Variants in ADAP1 observed in about 807,000 individuals in gnomAD.
ADAP1 encodes arf-GAP with dual PH domain-containing protein 1.
A neutral mutation model predicts 54.9 loss-of-function variants in ADAP1; 31 were observed. The ratio of observed to expected loss-of-function variants is 0.56; its 90% CI spans 0.42 to 0.76. ADAP1 has a LOEUF of 0.76. Ranked by LOEUF, ADAP1 falls within the 30% of genes least tolerant of loss-of-function variation. The pLI is 0.00. For missense variants in ADAP1, 535 were observed against 512.4 expected, an observed-to-expected ratio of 1.04 and a Z score of -0.42; for synonymous variants, 313 against 202.6, an observed-to-expected ratio of 1.55 and a Z score of -4.63.
intron 7 of ADAP1, 26 bp from the exon 8 acceptor site, chr7:900,190 G>A (rs1426770645): frequency 6.2e-7 from 1 of 1,612,466 alleles, no homozygotes; most frequent in African/African-American, 1.3e-5. Flanking sequence ...CCAGGCAGGG[G>A]ACCTCAGAAG....
At chr7:909,207 G>A (rs1231342981) in intron 4 of ADAP1, among the ~76,000 whole-genome samples, 162 of 57,274 alleles carry the variant, frequency 2.8e-3, no homozygotes, top group Middle Eastern at 0.011. Context: ...CCGACAGCAG[G>A]CGCCAGCGGG....
At chr7:943,605 G>C (rs1234423869) in intron 1 of ADAP1, among the ~76,000 whole-genome samples, 2 of 33,408 alleles carry the variant, frequency 6.0e-5, no homozygotes. Context: ...GAGAGGAGGA[G>C]GAAGGGAGAG....
chr7:915,863 GC>G (rs1313295696), intron 4 of ADAP1, among the ~76,000 whole-genome samples: 1 of 151,662 alleles, frequency 6.6e-6, no homozygotes, highest in Non-Finnish European at 1.5e-5. Context: ...CAGAACCCGC[GC>G]CCACTTTCCA....
At position 899,138 on chromosome 7, in the gene ADAP1, C is replaced by T. The variant is rs1258238111; in HGVS notation, c.991G>A (p.Asp331Asn). The change falls in exon 10 of 11, where the codon GAC (aspartate) becomes AAC (asparagine). Residue 331 changes from aspartate to asparagine, a missense_variant. By Grantham distance (23) the Asp-to-Asn change is conservative. Transcript: ENST00000265846. ...WPHGITIVTP[D>N]RKFLFACETE... ...TCGCAGGCAAACAGAAACTTGCGGT[C>T]GGGCGTGACGATGGTGATGCCATGT... The T allele has an allele frequency of 1.4e-5, 23 of 1,610,208 alleles. No homozygotes were observed. Among genetic ancestry groups the T allele is most frequent in the East Asian group, 4.5e-5 (2 of 44,892 alleles).
chr7:915,419 C>T (rs1342209941), intron 4 of ADAP1, among the ~76,000 whole-genome samples: 3 of 152,232 alleles, frequency 2.0e-5, no homozygotes, highest in Non-Finnish European at 2.9e-5. Flanking sequence ...GTGCTGCGGA[C>T]GTGGCCGCCC....
At position 920,706 on chromosome 7, in the gene ADAP1, C is replaced by T. The variant is rs529602985; in HGVS notation, c.306-656G>A. The T allele has an allele frequency of 2.6e-5, 32 of 1,239,466 alleles. No homozygotes were observed. The highest frequency in any genetic ancestry group is 3.9e-4 in the Middle Eastern group (2 of 5,150). The allele number at this position is 1,239,466 out of a possible 1,614,324, so 76.8% of individuals were successfully genotyped here. A position where few individuals can be genotyped will look rare whatever the true frequency, so the allele number is the denominator to read the frequency against. On this transcript the variant is annotated intron_variant, in intron 3 of 10. Coordinates refer to ENST00000265846, the MANE Select transcript of ADAP1 (RefSeq NM_006869.4). This position sits in a 1 kb window ranked among gnomAD's most constrained non-coding sequence, Gnocchi z 4.5. Reference sequence around the variant, plus strand: ...CCGAGAGTAAAGCCCGGGACGAGGGCCCCCCACGGCACCCACTGAGCCCAG... The same window carrying T: ...CCGAGAGTAAAGCCCGGGACGAGGGTCCCCCACGGCACCCACTGAGCCCAG...
chr7:931,548 T>C (rs1273156106), intron 2 of ADAP1, among the ~76,000 whole-genome samples: 1 of 151,972 alleles, frequency 6.6e-6, no homozygotes, highest in African/African-American at 2.4e-5. Flanking sequence ...AGAAAGTGGA[T>C]TTGCAGCTGC....
chr7:915,081 G>C (rs570955715), intron 4 of ADAP1, among the ~76,000 whole-genome samples: 1 of 49,990 alleles, frequency 2.0e-5, no homozygotes, highest in Non-Finnish European at 3.7e-5. Flanking sequence ...GGAAGGTGCC[G>C]TGGCCCAAGG....
At chr7:927,671 C>A (rs558628117) in intron 2 of ADAP1, among the ~76,000 whole-genome samples, 24 of 152,176 alleles carry the variant, frequency 1.6e-4, no homozygotes, top group African/African-American at 5.8e-4. Flanking sequence ...ATAGAAAACT[C>A]AAATACAAGG....
chr7:919,881 G>A (rs1404112460), intron 4 of ADAP1, 87 bp downstream of exon 4: 4 of 779,518 alleles, frequency 5.1e-6, no homozygotes, highest in East Asian at 3.7e-5. Context: ...GGAAAGAGAT[G>A]GGGGAGGGAG....
Position 919,614 on chromosome 7 carries a change from G to C in ADAP1, c.388+354C>G, listed in dbSNP as rs1289557255. 6.4e-5 allele frequency among the ~76,000 whole-genome samples: 9 copies of C among 140,292 alleles called. No individual in the cohort carries two copies. In the South Asian group the frequency reaches 7.2e-4, roughly 11 times the overall value. 92.0% of individuals were successfully genotyped at this position (140,292 alleles called of 152,430 possible). Reference sequence around the variant, plus strand: ...AGAGAGGAAGAGAGACAGAGAATGAGAGACAGACATGAAGAGAGAGTAAGA... The same window carrying C: ...AGAGAGGAAGAGAGACAGAGAATGACAGACAGACATGAAGAGAGAGTAAGA... On this transcript the variant is annotated intron_variant, in intron 4 of 10. Transcript: ENST00000265846.
chr7:909,056 C>T (rs1845598276), intron 4 of ADAP1, among the ~76,000 whole-genome samples: 1 of 152,178 alleles, frequency 6.6e-6, no homozygotes, highest in Non-Finnish European at 1.5e-5. Flanking sequence ...TCTGGGAGGC[C>T]ACTGCCCCTC....
In ADAP1 at chr7:926,890, G is replaced by A; in HGVS notation, c.214-246C>T. On this transcript the variant is annotated intron_variant, in intron 2 of 10. Transcript: ENST00000265846. This position sits in a 1 kb window ranked among gnomAD's most constrained non-coding sequence, Gnocchi z 4.6. ...ACGGGGTCCCGGCAAAGGGGGCCCA[G>A]GGGCCAGGCCCCTTTTGAGGATGGG... The A allele has an allele frequency of 1.9e-6, 2 of 1,030,762 alleles. No homozygotes were observed. 63.9% of individuals were successfully genotyped at this position (1,030,762 alleles called of 1,614,324 possible).
chr7:949,648 C>T (rs1247308446), intron 1 of ADAP1, among the ~76,000 whole-genome samples: 3 of 152,228 alleles, frequency 2.0e-5, no homozygotes, highest in South Asian at 2.1e-4. Context: ...ACCACAGCTC[C>T]GGTGCATTTG....
chr7:926,421 A>G lies in ADAP1; in HGVS notation c.305+132T>C. ...CAGGCGGCACCTCGGGGTCTGGGGG[A>G]CGCAGCTGCGGCTGGCTTCTCCCCG... On this transcript the variant is annotated intron_variant, in intron 3 of 10. Transcript: ENST00000265846. The surrounding 1 kb of genome is among the most constrained non-coding windows in gnomAD (Gnocchi z 4.6). 2 of 579,246 alleles carry G rather than the reference A, an allele frequency of 3.5e-6. No homozygotes were observed. The highest frequency in any genetic ancestry group is 5.3e-6 in the Non-Finnish European group (2 of 375,706). The allele number at this position is 579,246 out of a possible 1,614,324, so 35.9% of individuals were successfully genotyped here. A position where few individuals can be genotyped will look rare whatever the true frequency, so the allele number is the denominator to read the frequency against.
intron 4 of ADAP1, among the ~76,000 whole-genome samples, chr7:910,548 C>G (rs537781009): frequency 9.8e-5 from 15 of 152,322 alleles, no homozygotes; most frequent in Middle Eastern, 3.4e-3. Context: ...ACGCCTGGCC[C>G]GAGACTGCTG....
intron 2 of ADAP1, chr7:927,374 G>C: frequency 1.6e-6 from 1 of 644,830 alleles, no homozygotes; most frequent in South Asian, 1.6e-5. Context: ...GGTGAGCCTT[G>C]AGCAGCAGGA....
chr7:935,549 C>G (rs758734093), intron 1 of ADAP1, 44 bp from the exon 2 acceptor site: 1 of 1,549,304 alleles, frequency 6.5e-7, no homozygotes, highest in African/African-American at 1.4e-5. Flanking sequence ...AGCCCAGGGA[C>G]CCCGGAGGGA....
chr7:947,045 T>C (rs1234145629), intron 1 of ADAP1, among the ~76,000 whole-genome samples: 1 of 152,024 alleles, frequency 6.6e-6, no homozygotes, highest in African/African-American at 2.4e-5. Flanking sequence ...TTGTTTTTTT[T>C]CATTTTTTGT....
Sources: allele counts gnomAD v4.1 joint callset (sites outside exome capture counted in the v4.1 genomes callset), GRCh38; gene constraint gnomAD v4.1.1; non-coding constraint Gnocchi (gnomAD v3.1); transcripts MANE v1.5; gene names NCBI Gene and HGNC (gene_info 2026-07-23, HGNC 2026-07-21).